Variants in ZNF503 observed in about 807,000 individuals in gnomAD.
The protein encoded by ZNF503 is zinc finger protein 503.
A neutral mutation model predicts 34.4 loss-of-function variants in ZNF503; 15 were observed. That is an observed-to-expected ratio of 0.44 (90% CI 0.29 to 0.67). ZNF503 has a LOEUF of 0.67. ZNF503 is among the 30% of genes least tolerant of loss of function. The pLI is 0.13. For missense variants in ZNF503, 1,007 were observed against 926.8 expected (o/e 1.09, Z -1.12); for synonymous variants, 580 against 456.8 (o/e 1.27, Z -3.44).
the ZNF503 span, among the ~76,000 whole-genome samples, chr10:75,321,178 C>T: frequency 1.3e-5 from 2 of 152,182 alleles, no homozygotes; most frequent in African/African-American, 2.4e-5. Flanking sequence ...GTTTCCCCTT[C>T]ACCTTCTACT....
the ZNF503 span, among the ~76,000 whole-genome samples, chr10:75,325,252 T>G: frequency 6.6e-6 from 1 of 152,186 alleles, no homozygotes; most frequent in Non-Finnish European, 1.5e-5. Flanking sequence ...ACTCTATTTG[T>G]CTGGGTCTAT....
the ZNF503 span, among the ~76,000 whole-genome samples, chr10:75,334,019 T>A: frequency 1.7e-5 from 2 of 115,464 alleles, no homozygotes; most frequent in African/African-American, 7.3e-5. Flanking sequence ...CTAGATGGGA[T>A]GGCGGCCGGG....
chr10:75,399,821 A>T lies in ZNF503; in HGVS notation c.869T>A (p.Ile290Asn). The change falls in exon 2 of 2, where the codon ATT becomes AAT. Residue 290 changes from isoleucine (I) to asparagine (N), a missense_variant. By Grantham distance (149) the Ile-to-Asn change is moderately radical. Transcript: ENST00000372524. ...AHGRISCGGG[I>N]NVDVNQHPDG... is the part of the protein sequence containing the mutation. ...CGGATGCTGGTTCACATCCACATTA[A>T]TCCCGCCGCCGCAGCTAATCCGGCC... The T allele has an allele frequency of 6.2e-7, 1 of 1,603,452 alleles. No individual in the cohort carries two copies. The highest frequency in any genetic ancestry group is 1.1e-5 in the South Asian group (1 of 90,038).
chr10:75,309,448 C>T, the ZNF503 span, among the ~76,000 whole-genome samples: 6 of 152,146 alleles, frequency 3.9e-5, no homozygotes, highest in Admixed American at 6.5e-5. Context: ...CCACTGCATC[C>T]TTCAACAACC....
the ZNF503 span, among the ~76,000 whole-genome samples, chr10:75,320,889 A>G: frequency 6.6e-6 from 1 of 152,200 alleles, no homozygotes; most frequent in Admixed American, 6.5e-5. Context: ...GCATTCATTC[A>G]TGGTATAGTT....
the ZNF503 span, among the ~76,000 whole-genome samples, chr10:75,381,607 T>C: frequency 6.6e-6 from 1 of 152,068 alleles, no homozygotes; most frequent in Non-Finnish European, 1.5e-5. Context: ...CTGGCACTCA[T>C]GCAACCAGTA....
chr10:75,290,830 T>G, the ZNF503 span, among the ~76,000 whole-genome samples: 1 of 152,186 alleles, frequency 6.6e-6, no homozygotes, highest in African/African-American at 2.4e-5. Flanking sequence ...AATTTAGAGA[T>G]TCCTTCTATA....
rs1222215536 is a variant in ZNF503, at chr10:75,398,251, A to T, written c.*498T>A. The T allele has an allele frequency of 6.5e-6, 1 of 153,446 alleles. No individual in the cohort carries two copies. The highest frequency in any genetic ancestry group is 2.4e-5 in the African/African-American group (1 of 41,448). The allele number at this position is 153,446 out of a possible 1,614,324, so 9.5% of individuals were successfully genotyped here. A position where few individuals can be genotyped will look rare whatever the true frequency, so the allele number is the denominator to read the frequency against. ...ATTTTAAAGTAACATTAAAGAGAAGACCTCTAGTTCTGTGGCGGTTTTGCT... is the reference window on the plus strand; with the variant it reads ...ATTTTAAAGTAACATTAAAGAGAAGTCCTCTAGTTCTGTGGCGGTTTTGCT... On this transcript the variant is annotated 3_prime_UTR_variant, in exon 2 of 2. Coordinates refer to ENST00000372524, the MANE Select transcript of ZNF503 (RefSeq NM_032772.6).
At chr10:75,359,618 T>C in the ZNF503 span, among the ~76,000 whole-genome samples, 3 of 152,210 alleles carry the variant, frequency 2.0e-5, no homozygotes, top group African/African-American at 7.2e-5. Context: ...TCACTAAATC[T>C]ATGTGGTTCC....
chr10:75,400,391 T>TG lies in ZNF503; in HGVS notation c.316-18dup, dbSNP rs111435527. 1,549 of 1,587,220 alleles carry TG rather than the reference T, an allele frequency of 9.8e-4. 2 individuals are homozygous for TG. Among genetic ancestry groups the TG allele is most frequent in the East Asian group, 1.6e-3 (69 of 44,384 alleles). On this transcript the variant is annotated splice_polypyrimidine_tract_variant and intron_variant, in intron 1 of 1. Coordinates refer to ENST00000372524, the MANE Select transcript of ZNF503 (RefSeq NM_032772.6). ...GGCATCGAGCTGCGGGGTCAGACGATGGGGGGGGAGCGTCACACAGAGAAA... is the reference window on the plus strand; with the variant it reads ...GGCATCGAGCTGCGGGGTCAGACGATGGGGGGGGGAGCGTCACACAGAGAAA...
chr10:75,313,280 T>C, the ZNF503 span, among the ~76,000 whole-genome samples: 1 of 152,156 alleles, frequency 6.6e-6, no homozygotes, highest in Admixed American at 6.5e-5. Context: ...AATGGACACG[T>C]TCCAACACAC....
At chr10:75,290,420 C>T in the ZNF503 span, among the ~76,000 whole-genome samples, 1 of 152,192 alleles carries the variant, frequency 6.6e-6, no homozygotes, top group African/African-American at 2.4e-5. Flanking sequence ...TGGGCTTCCT[C>T]ACACCATGGC....
chr10:75,344,959 G>A, the ZNF503 span, among the ~76,000 whole-genome samples: 1 of 152,180 alleles, frequency 6.6e-6, no homozygotes, highest in Non-Finnish European at 1.5e-5. Context: ...ACCCCTTTAA[G>A]CCACCCATGT....
At chr10:75,290,079 G>A in the ZNF503 span, among the ~76,000 whole-genome samples, 4 of 152,122 alleles carry the variant, frequency 2.6e-5, no homozygotes, top group Non-Finnish European at 5.9e-5. Flanking sequence ...GGTACCACCT[G>A]GAAGTGGAAC....
the ZNF503 span, among the ~76,000 whole-genome samples, chr10:75,357,110 C>G: frequency 2.0e-5 from 3 of 151,978 alleles, no homozygotes; most frequent in African/African-American, 4.8e-5. Context: ...GAGAACTCCT[C>G]TAACCCCTTT....
At chr10:75,381,756 T>A in the ZNF503 span, among the ~76,000 whole-genome samples, 1 of 148,648 alleles carries the variant, frequency 6.7e-6, no homozygotes, top group Non-Finnish European at 1.5e-5. Context: ...GGGGGACAAA[T>A]GGATAAAGAG....
chr10:75,317,264 C>CTTTTTTTTT, the ZNF503 span, among the ~76,000 whole-genome samples: 3 of 74,764 alleles, frequency 4.0e-5, no homozygotes, highest in Non-Finnish European at 2.4e-5. Flanking sequence ...CATCCCACGT[C>CTTTTTTTTT]TTTTTTTTTT....
chr10:75,304,562 A>G, the ZNF503 span, among the ~76,000 whole-genome samples: 25,438 of 152,176 alleles, frequency 0.17, 2,561 homozygotes, highest in Non-Finnish European at 0.22. Flanking sequence ...GGATGCTACT[A>G]CAAATCAGTT....
At chr10:75,334,885 A>G in the ZNF503 span, among the ~76,000 whole-genome samples, 1 of 152,254 alleles carries the variant, frequency 6.6e-6, no homozygotes, top group Non-Finnish European at 1.5e-5. Flanking sequence ...TCTGCTTCAC[A>G]TGAATGACCT....
Sources: gnomAD v4.1 joint callset for allele counts (sites outside exome capture counted in the v4.1 genomes callset) on GRCh38, gnomAD v4.1.1 for gene constraint, MANE v1.5 for transcripts, NCBI Gene and HGNC (gene_info 2026-07-23, HGNC 2026-07-21) for gene names.